SYTL1: variants seen among roughly 807,000 people sequenced by gnomAD.
SYTL1 encodes the protein synaptotagmin-like protein 1.
SYTL1 carries 53 observed loss-of-function variants against 74.6 expected under a neutral mutation model. The ratio of observed to expected loss-of-function variants is 0.71; its 90% confidence interval spans 0.57 to 0.89. The LOEUF is 0.89. SYTL1 is among the 40% of genes least tolerant of loss of function. SYTL1 has a pLI of 0.00. For synonymous variants in SYTL1, 329 were observed against 324.9 expected (o/e 1.01, Z -0.14); for missense variants, 728 against 768.7 (o/e 0.95, Z 0.63).
Position 27,347,397 on chromosome 1 carries a change from G to A in SYTL1, c.192-24G>A. ...AATGTTGCTTGGGTGAGTCATGACA[G>A]CCACACCCTCCCCCTTCCTCCAGCA... On this transcript the variant is annotated intron_variant, in intron 2 of 14. Transcript: ENST00000616558. The surrounding 1 kb of genome is among the most constrained non-coding windows in gnomAD (Gnocchi z 4.9). 6.2e-7 allele frequency: 1 copy of A among 1,613,782 alleles called. No individual in the cohort carries two copies. The highest frequency in any genetic ancestry group is 8.5e-7 in the Non-Finnish European group (1 of 1,179,960).
In SYTL1 at chr1:27,347,540, C is replaced by T. The variant is rs150662670; in HGVS notation, c.311C>T (p.Ala104Val). 25 of 1,613,918 alleles carry T rather than the reference C, an allele frequency of 1.5e-5. No individual in the cohort carries two copies. The highest frequency in any genetic ancestry group is 8.8e-5 in the South Asian group (8 of 91,080). ...CACTTCGGCTCTGACCTTGTCCGAG[C>T]GTCTATGCGCAGGAAGAAGAGCACC... ...NAHFGSDLVRASMRRKKSTRG... is the reference protein window; with the variant it reads ...NAHFGSDLVRVSMRRKKSTRG... The change falls in exon 3 of 15, where the codon GCG becomes GTG. Residue 104 changes from alanine to valine, a missense_variant. Ala to Val is a moderately conservative substitution (Grantham distance 64). Coordinates refer to ENST00000616558, the MANE Select transcript of SYTL1 (RefSeq NM_001193308.2). The surrounding 1 kb of genome is among the most constrained non-coding windows in gnomAD (Gnocchi z 4.9).
chr1:27,351,840 C>A lies in SYTL1; in HGVS notation c.1343+285C>A. On this transcript the variant is annotated intron_variant, in intron 13 of 14. Transcript: ENST00000616558. The surrounding 1 kb of genome is among the most constrained non-coding windows in gnomAD (Gnocchi z 5.0). ...GAACCTGGGAGGCCAGGCTGTGGGG[C>A]TTGGCTGGGAACTTATAGTTCAGTG... 1 of 360,258 alleles carries A rather than the reference C, an allele frequency of 2.8e-6. No homozygotes were observed. The highest frequency in any genetic ancestry group is 5.0e-6 in the Non-Finnish European group (1 of 200,942). The allele number at this position is 360,258 out of a possible 1,614,324, so 22.3% of individuals were successfully genotyped here.
Position 27,353,703 on chromosome 1 carries a change from C to A in SYTL1, c.1550-10C>A. On this transcript the variant is annotated splice_polypyrimidine_tract_variant and intron_variant, in intron 14 of 14. Transcript: ENST00000616558. Reference sequence around the variant, plus strand: ...GATCATGCCCTCAACCCCTGCCCACCCACATCCAGGCAGCAGCTATGGGCT... The same window carrying A: ...GATCATGCCCTCAACCCCTGCCCACACACATCCAGGCAGCAGCTATGGGCT... 1 of 1,610,226 alleles carries A rather than the reference C, an allele frequency of 6.2e-7. No homozygotes were observed. The highest frequency in any genetic ancestry group is 8.5e-7 in the Non-Finnish European group (1 of 1,177,602).
At position 27,349,377 on chromosome 1, in the gene SYTL1, GCATCTCGTGCC is replaced by G; in HGVS notation, c.533-19_533-9del. The G allele has an allele frequency of 6.9e-7, 1 of 1,445,492 alleles. No individual in the cohort carries two copies. The highest frequency in any genetic ancestry group is 9.1e-7 in the Non-Finnish European group (1 of 1,096,856). 89.5% of individuals were successfully genotyped at this position (1,445,492 alleles called of 1,614,324 possible). On this transcript the variant is annotated splice_polypyrimidine_tract_variant and intron_variant, in intron 6 of 14. Coordinates refer to ENST00000616558, the MANE Select transcript of SYTL1 (RefSeq NM_001193308.2). The stretch of plus-strand genomic sequence containing the variant: ...GGGAGGGCAGGAGAGGGCTCGCTTA[GCATCTCGTGCC>G]CCACCCCAGATCCTGGCCAAGGAGA...
rs1571044036 is a variant in SYTL1 at position 27,350,695 on chromosome 1, A to G, written c.1006-99A>G. 3 of 1,440,878 alleles carry G rather than the reference A, an allele frequency of 2.1e-6. No individual in the cohort carries two copies. The highest frequency in any genetic ancestry group is 2.8e-6 in the Non-Finnish European group (3 of 1,052,970). 89.3% of individuals were successfully genotyped at this position (1,440,878 alleles called of 1,614,324 possible). A position where few individuals can be genotyped will look rare whatever the true frequency, so the allele number is the denominator to read the frequency against. ...GCCCTTAGGGGCTCCCCAGAATTCC[A>G]TCATGGTAGGAACGCGGTAGGACCT... On this transcript the variant is annotated intron_variant, in intron 10 of 14. Transcript: ENST00000616558. This position sits in a 1 kb window ranked among gnomAD's most constrained non-coding sequence, Gnocchi z 6.3.
chr1:27,349,807 C>A, intron 8 of SYTL1, 42 bp downstream of exon 8: 1 of 1,557,104 alleles, frequency 6.4e-7, no homozygotes, highest in African/African-American at 1.4e-5. Context: ...GGGGGGTGGA[C>A]CCGTTCCGAT....
Position 27,350,282 on chromosome 1 carries a change from T to A in SYTL1, c.909-107T>A. 6.7e-7 allele frequency: 1 copy of A among 1,483,022 alleles called. No individual in the cohort carries two copies. The highest frequency in any genetic ancestry group is 1.4e-5 in the African/African-American group (1 of 72,450). 91.9% of individuals were successfully genotyped at this position (1,483,022 alleles called of 1,614,324 possible). On this transcript the variant is annotated intron_variant, in intron 9 of 14. Coordinates refer to ENST00000616558, the MANE Select transcript of SYTL1 (RefSeq NM_001193308.2). The surrounding 1 kb of genome is among the most constrained non-coding windows in gnomAD (Gnocchi z 6.3). ...AAGCGAGACAATCCCTGTAAAGCGCTTAGCACGAGGCCTGGCACGTGTTCG... is the reference window on the plus strand; with the variant it reads ...AAGCGAGACAATCCCTGTAAAGCGCATAGCACGAGGCCTGGCACGTGTTCG...
rs1344662824 is a variant in SYTL1 at position 27,351,999 on chromosome 1, TTC to T, written c.1343+446_1343+447del. On this transcript the variant is annotated intron_variant, in intron 13 of 14. Coordinates refer to ENST00000616558, the MANE Select transcript of SYTL1 (RefSeq NM_001193308.2). The surrounding 1 kb of genome is among the most constrained non-coding windows in gnomAD (Gnocchi z 5.0). Reference sequence around the variant, plus strand: ...AGGCTGCAGTACAGAGGTACTGTACTTCTGAGCAACACTGTATTTTGCAGAGG... The same window carrying T: ...AGGCTGCAGTACAGAGGTACTGTACTTGAGCAACACTGTATTTTGCAGAGG... 21 of 156,672 alleles carry T rather than the reference TTC, an allele frequency of 1.3e-4. No homozygotes were observed. Among genetic ancestry groups the T allele is most frequent in the African/African-American group, 4.8e-4 (20 of 41,776 alleles). 9.7% of individuals were successfully genotyped at this position (156,672 alleles called of 1,614,324 possible).
Position 27,345,305 on chromosome 1 carries a change from G to A in SYTL1, c.-30G>A, listed in dbSNP as rs561959989. On this transcript the variant is annotated 5_prime_UTR_variant, in exon 2 of 15. It adds an upstream start codon to the 5' untranslated region. Coordinates refer to ENST00000616558, the MANE Select transcript of SYTL1 (RefSeq NM_001193308.2). This position sits in a 1 kb window ranked among gnomAD's most constrained non-coding sequence, Gnocchi z 6.0. Reference sequence around the variant, plus strand: ...CCTCGGTCTGCCCCCAGGAAGCTCCGTGTGCCCAGCTGGGGCACAGCCCCA... The same window carrying A: ...CCTCGGTCTGCCCCCAGGAAGCTCCATGTGCCCAGCTGGGGCACAGCCCCA... The A allele has an allele frequency of 9.7e-6, 14 of 1,442,546 alleles. No individual in the cohort carries two copies. The highest frequency in any genetic ancestry group is 7.1e-5 in the South Asian group (5 of 70,038). 89.4% of individuals were successfully genotyped at this position (1,442,546 alleles called of 1,614,324 possible). A position where few individuals can be genotyped will look rare whatever the true frequency, so the allele number is the denominator to read the frequency against.
chr1:27,347,741 G>T lies in SYTL1; in HGVS notation c.341-67G>T. The T allele has an allele frequency of 6.4e-7, 1 of 1,561,516 alleles. No homozygotes were observed. Among genetic ancestry groups the T allele is most frequent in the East Asian group, 2.2e-5 (1 of 44,462 alleles). The stretch of plus-strand genomic sequence containing the variant: ...ATGGGGTGGGTGGGTATCTCCCAGG[G>T]CCTCTCCCGAGTCACAGCCAGGCTT... On this transcript the variant is annotated intron_variant, in intron 3 of 14. Transcript: ENST00000616558. The surrounding 1 kb of genome is among the most constrained non-coding windows in gnomAD (Gnocchi z 4.9).
Position 27,351,150 on chromosome 1 carries a change from C to T in SYTL1, c.1165-108C>T, listed in dbSNP as rs1571045711. 6 of 1,396,252 alleles carry T rather than the reference C, an allele frequency of 4.3e-6. No individual in the cohort carries two copies. The East Asian group carries it at 1.0e-4, about 23-fold the overall frequency. 86.5% of individuals were successfully genotyped at this position (1,396,252 alleles called of 1,614,324 possible). A position where few individuals can be genotyped will look rare whatever the true frequency, so the allele number is the denominator to read the frequency against. On this transcript the variant is annotated intron_variant, in intron 11 of 14. Coordinates refer to ENST00000616558, the MANE Select transcript of SYTL1 (RefSeq NM_001193308.2). The surrounding 1 kb of genome is among the most constrained non-coding windows in gnomAD (Gnocchi z 5.0). The stretch of plus-strand genomic sequence containing the variant: ...CTAGGACCCCTAGGTTCTGCCCCTG[C>T]AGGCCCCGCCGTCTCTTCTAGCCGC...
In SYTL1 at chr1:27,350,859, C is replaced by G; in HGVS notation, c.1071C>G (p.Ser357Arg). 1.2e-6 allele frequency: 2 copies of G among 1,613,880 alleles called. No homozygotes were observed. Among genetic ancestry groups the G allele is most frequent in the Non-Finnish European group, 1.7e-6 (2 of 1,180,018 alleles). Reference sequence around the variant, plus strand: ...GCCTGTCTGTGTGGCACCGCGAAAGCCTGGGTCGCAACATCTTTCTGGGCG... The same window carrying G: ...GCCTGTCTGTGTGGCACCGCGAAAGGCTGGGTCGCAACATCTTTCTGGGCG... ...VLSLSVWHRE[S>R]LGRNIFLGEV... Residue 357 changes from serine (S) to arginine (R), a missense_variant, in exon 11 of 15, where the codon AGC becomes AGG. Coordinates refer to ENST00000616558, the MANE Select transcript of SYTL1 (RefSeq NM_001193308.2). The surrounding 1 kb of genome is among the most constrained non-coding windows in gnomAD (Gnocchi z 6.3).
Position 27,350,901 on chromosome 1 carries a change from G to C in SYTL1, c.1113G>C (p.Leu371=), listed in dbSNP as rs950772575. 1 of 1,613,682 alleles carries C rather than the reference G, an allele frequency of 6.2e-7. No individual in the cohort carries two copies. The highest frequency in any genetic ancestry group is 8.5e-7 in the Non-Finnish European group (1 of 1,179,984). The change falls in exon 11 of 15, where the codon CTG becomes CTC. Residue 371 remains leucine, a synonymous_variant. Transcript: ENST00000616558. The surrounding 1 kb of genome is among the most constrained non-coding windows in gnomAD (Gnocchi z 6.3). ...NIFLGEVEVP[L]DTWDWGSEPT... is the part of the protein sequence containing the mutation. Reference sequence around the variant, plus strand: ...TTCTGGGCGAAGTTGAAGTGCCCCTGGACACGTGGGACTGGGGCTCTGAGC... The same window carrying C: ...TTCTGGGCGAAGTTGAAGTGCCCCTCGACACGTGGGACTGGGGCTCTGAGC...
At position 27,343,822 on chromosome 1, in the gene SYTL1, T is replaced by C. The variant is rs1337249073; in HGVS notation, c.-38-1475T>C. On this transcript the variant is annotated intron_variant, in intron 1 of 14. Transcript: ENST00000616558. This position sits in a 1 kb window ranked among gnomAD's most constrained non-coding sequence, Gnocchi z 5.2. ...ATGTGTGCCAAAGTCTGTATGATTT[T>C]TATGTACATCTTTATCGAGGGACAT... 1.3e-5 allele frequency among the ~76,000 whole-genome samples: 2 copies of C among 152,232 alleles called. No individual in the cohort carries two copies. The highest frequency in any genetic ancestry group is 4.8e-5 in the African/African-American group (2 of 41,462).
chr1:27,346,102 G>A (rs774106246), intron 2 of SYTL1, among the ~76,000 whole-genome samples: 7 of 151,882 alleles, frequency 4.6e-5, no homozygotes, highest in Non-Finnish European at 8.8e-5. Flanking sequence ...TAATATCCCC[G>A]CTGAAAACTT....
rs747664356 is a variant in SYTL1, at chr1:27,349,705, C to T, written c.687C>T (p.Asp229=). The change falls in exon 8 of 15, where the codon GAC becomes GAT. Residue 229 remains aspartate, a synonymous_variant. Transcript: ENST00000616558. ...LENGEEAPGP[D]PSLDRMLSSS... ...ATGGGGAGGAGGCCCCGGGGCCCGA[C>T]CCCTCTCTCGACCGCATGCTCAGCA... 5.0e-6 allele frequency: 8 copies of T among 1,611,170 alleles called. No individual in the cohort carries two copies. Among genetic ancestry groups the T allele is most frequent in the South Asian group, 1.1e-5 (1 of 90,898 alleles).
At chr1:27,353,689 C>CA in intron 14 of SYTL1, 24 bp from the exon 15 acceptor site, 1 of 1,606,442 alleles carries the variant, frequency 6.2e-7, no homozygotes, top group Non-Finnish European at 8.5e-7. Context: ...ATCATGCCCT[C>CA]AACCCCTGCC....
intron 7 of SYTL1, 27 bp downstream of exon 7, chr1:27,349,525 C>T (rs1056241788): frequency 4.8e-6 from 7 of 1,458,530 alleles, no homozygotes; most frequent in Non-Finnish European, 6.3e-6. Flanking sequence ...CGTGGCTGCT[C>T]TCAACATCCG....
chr1:27,346,102 G>T (rs774106246), intron 2 of SYTL1, among the ~76,000 whole-genome samples: 1 of 151,882 alleles, frequency 6.6e-6, no homozygotes, highest in Non-Finnish European at 1.5e-5. Context: ...TAATATCCCC[G>T]CTGAAAACTT....
Sources: gnomAD v4.1 joint callset for allele counts (sites outside exome capture counted in the v4.1 genomes callset) on GRCh38, gnomAD v4.1.1 for gene constraint, Gnocchi (gnomAD v3.1) non-coding constraint, MANE v1.5 for transcripts, NCBI Gene and HGNC (gene_info 2026-07-23, HGNC 2026-07-21) for gene names.